The following GLRA3 variants were observed in gnomAD, a reference collection of about 807,000 sequenced individuals.
The protein encoded by GLRA3 is glycine receptor alpha 3.
A neutral mutation model predicts 60.4 loss-of-function variants in GLRA3; 44 were observed. The ratio of observed to expected loss-of-function variants is 0.73; its 90% CI spans 0.57 to 0.94. The LOEUF is 0.94. GLRA3 is among the 40% of genes least tolerant of loss of function. The probability of loss-of-function intolerance (pLI) is 0.00; values close to 1 mark genes in which losing one functional copy is unlikely to be tolerated. For synonymous variants in GLRA3, 223 were observed against 192.9 expected, an observed-to-expected ratio of 1.16 and a Z score of -1.29; for missense variants, 508 against 564.6, an observed-to-expected ratio of 0.90 and a Z score of 1.02.
intron 9 of GLRA3, among the ~76,000 whole-genome samples, chr4:174,652,695 T>C (rs1733065856): frequency 6.6e-6 from 1 of 152,134 alleles, no homozygotes; most frequent in African/African-American, 2.4e-5. Flanking sequence ...ATGCAAGTTA[T>C]AGCTAGAAAT....
At position 174,649,756 on chromosome 4, in the gene GLRA3, ACT is replaced by A. The variant is rs201055706; in HGVS notation, c.1117-5694_1117-5693del. ...ACTATTCAAGAGTTTTGGACGCAAA[ACT>A]CTATCCAAGAGTTCAGGACAGAGAT... is the stretch of plus-strand genomic sequence containing the variant. On this transcript the variant is annotated intron_variant, in intron 9 of 9. Transcript: ENST00000274093. 5.9e-5 allele frequency among the ~76,000 whole-genome samples: 9 copies of A among 151,700 alleles called. No homozygotes were observed. The East Asian group carries it at 1.8e-3, about 30-fold the overall frequency.
At chr4:174,784,487 AAAAACC>A (rs1437493791) in intron 2 of GLRA3, among the ~76,000 whole-genome samples, 1 of 145,088 alleles carries the variant, frequency 6.9e-6, no homozygotes, top group African/African-American at 2.5e-5. Flanking sequence ...AATACAAAAA[AAAAACC>A]AAAAACACAA....
intron 1 of GLRA3, among the ~76,000 whole-genome samples, chr4:174,827,716 A>G (rs1741034213): frequency 6.6e-6 from 1 of 152,050 alleles, no homozygotes; most frequent in Admixed American, 6.5e-5. Context: ...TGAAAATAAT[A>G]TAACTTTCTA....
chr4:174,823,485 A>G (rs906937309), intron 1 of GLRA3, among the ~76,000 whole-genome samples: 2 of 152,194 alleles, frequency 1.3e-5, no homozygotes, highest in African/African-American at 4.8e-5. Context: ...AGATTGCACC[A>G]CTGCACTCCA....
In GLRA3 at chr4:174,789,015, A is replaced by C. The variant is rs544140933; in HGVS notation, c.72-72T>G. On this transcript the variant is annotated intron_variant, in intron 1 of 9. Transcript: ENST00000274093. ...TAATAATTGTTACCTACAAATATAA[A>C]ATAGAAATGCTGAGCTAAATATCTT... 6.2e-6 allele frequency: 6 copies of C among 966,590 alleles called. No homozygotes were observed. The South Asian group carries it at 8.9e-5, about 14-fold the overall frequency. The allele number at this position is 966,590 out of a possible 1,614,324, so 59.9% of individuals were successfully genotyped here.
At chr4:174,713,952 T>C (rs1036543041) in intron 5 of GLRA3, among the ~76,000 whole-genome samples, 3 of 152,196 alleles carry the variant, frequency 2.0e-5, no homozygotes, top group African/African-American at 7.2e-5. Flanking sequence ...TCATCCCCTG[T>C]TCCCTTTCTT....
At chr4:174,794,410 A>G (rs1361527743) in intron 1 of GLRA3, among the ~76,000 whole-genome samples, 2 of 152,088 alleles carry the variant, frequency 1.3e-5, no homozygotes, top group Admixed American at 6.6e-5. Context: ...AAGAACTCCT[A>G]GAATTCTGGA....
chr4:174,751,738 T>C lies in GLRA3; in HGVS notation c.267+15225A>G, dbSNP rs116387472. Reference sequence around the variant, plus strand: ...TTAGTATCCTTATAAATATACACTTTAGAGCACACATTATTTTCAAAGAGG... The same window carrying C: ...TTAGTATCCTTATAAATATACACTTCAGAGCACACATTATTTTCAAAGAGG... On this transcript the variant is annotated intron_variant, in intron 3 of 9. Coordinates refer to ENST00000274093, the MANE Select transcript of GLRA3 (RefSeq NM_006529.4). 9.3e-3 allele frequency among the ~76,000 whole-genome samples: 1,419 copies of C among 152,102 alleles called. 21 individuals are homozygous for C. Among genetic ancestry groups the C allele is most frequent in the African/African-American group, 0.032 (1,342 of 41,518 alleles).
chr4:174,772,770 G>A (rs763512439), intron 2 of GLRA3, among the ~76,000 whole-genome samples: 5 of 152,182 alleles, frequency 3.3e-5, no homozygotes, highest in Middle Eastern at 6.8e-3. Context: ...AACATGACTC[G>A]TGAATGTTTG....
chr4:174,806,967 CAG>C (rs954737890), intron 1 of GLRA3, among the ~76,000 whole-genome samples: 19 of 151,934 alleles, frequency 1.3e-4, no homozygotes, highest in Non-Finnish European at 2.5e-4. Context: ...TTGGAAGAAA[CAG>C]AAAATAAACA....
At chr4:174,820,346 T>C (rs1740694523) in intron 1 of GLRA3, among the ~76,000 whole-genome samples, 3 of 152,192 alleles carry the variant, frequency 2.0e-5, no homozygotes. Flanking sequence ...GAGTTATTTA[T>C]CTGAAATTGT....
chr4:174,759,625 A>G (rs534933425), intron 3 of GLRA3, among the ~76,000 whole-genome samples: 2 of 152,238 alleles, frequency 1.3e-5, no homozygotes, highest in South Asian at 4.1e-4. Context: ...TTTAAACAGA[A>G]TTTTTAAACT....
chr4:174,740,941 T>C (rs1379928113), intron 3 of GLRA3, among the ~76,000 whole-genome samples: 1 of 152,220 alleles, frequency 6.6e-6, no homozygotes, highest in African/African-American at 2.4e-5. Flanking sequence ...CTGAGTTGCA[T>C]TCAATTGTAC....
intron 7 of GLRA3, among the ~76,000 whole-genome samples, chr4:174,666,049 T>TATAACTC (rs965017678): frequency 2.6e-5 from 4 of 152,134 alleles, no homozygotes; most frequent in African/African-American, 7.2e-5. Context: ...AGGATTTGAA[T>TATAACTC]ATAACTCATA....
chr4:174,660,193 C>T (rs1256098138), intron 7 of GLRA3, among the ~76,000 whole-genome samples: 3 of 152,006 alleles, frequency 2.0e-5, no homozygotes, highest in Non-Finnish European at 4.4e-5. Context: ...ATCCTTAAAT[C>T]CCTCCCATTT....
chr4:174,700,561 T>A (rs1735267607), intron 5 of GLRA3, among the ~76,000 whole-genome samples: 1 of 152,194 alleles, frequency 6.6e-6, no homozygotes, highest in South Asian at 2.1e-4. Flanking sequence ...CATCTCTCAC[T>A]TTAAATCAAA....
chr4:174,814,372 C>A (rs559169522), intron 1 of GLRA3, among the ~76,000 whole-genome samples: 1 of 152,060 alleles, frequency 6.6e-6, no homozygotes, highest in Non-Finnish European at 1.5e-5. Context: ...CATCCCTGAG[C>A]GAAATTTTCT....
At chr4:174,701,469 C>A (rs1735316481) in intron 5 of GLRA3, among the ~76,000 whole-genome samples, 2 of 152,110 alleles carry the variant, frequency 1.3e-5, no homozygotes, top group Non-Finnish European at 2.9e-5. Context: ...TGTTTTCAAG[C>A]CTTCTAACAT....
intron 2 of GLRA3, among the ~76,000 whole-genome samples, chr4:174,770,527 A>T (rs148836091): frequency 1.3e-5 from 2 of 152,088 alleles, no homozygotes; most frequent in African/African-American, 4.8e-5. Flanking sequence ...GTTGCCTATT[A>T]TAAATTCGGT....
Sources: allele counts gnomAD v4.1 joint callset (sites outside exome capture counted in the v4.1 genomes callset), GRCh38; gene constraint gnomAD v4.1.1; transcripts MANE v1.5; gene names NCBI Gene and HGNC (gene_info 2026-07-23, HGNC 2026-07-21).